OLFML1: variants seen among roughly 807,000 people sequenced by gnomAD.
OLFML1 encodes the protein olfactomedin like 1, also known as olfactomedin-like protein 1.
Under a neutral mutation model 37.3 loss-of-function variants are expected in OLFML1, and 33 were observed. The ratio of observed to expected loss-of-function variants is 0.88; its 90% CI spans 0.67 to 1.18. The LOEUF is 1.18. Among genes scored for constraint, OLFML1 ranks in the 50% most tolerant of loss-of-function variants. OLFML1 has a pLI of 0.00. For synonymous variants in OLFML1, 186 were observed against 181.3 expected (o/e 1.03, Z -0.21); for missense variants, 545 against 483.7 (o/e 1.13, Z -1.19).
At chr11:7,487,882 G>A (rs1402892896) in intron 1 of OLFML1, among the ~76,000 whole-genome samples, 2 of 151,912 alleles carry the variant, frequency 1.3e-5, no homozygotes, top group Non-Finnish European at 1.5e-5. Context: ...AAAACATATA[G>A]TAAAATCACA....
chr11:7,501,234 G>C (rs1483905184), intron 2 of OLFML1, among the ~76,000 whole-genome samples: 1 of 152,214 alleles, frequency 6.6e-6, no homozygotes, highest in Non-Finnish European at 1.5e-5. Flanking sequence ...CTGGCAAACA[G>C]GGCAGATCAT....
chr11:7,509,593 G>A lies in OLFML1; in HGVS notation c.614G>A (p.Arg205Gln), dbSNP rs146709029. The part of the protein sequence containing the change: ...FMEDNTKPAP[R>Q]KQILTLSWQG... Reference sequence around the variant, plus strand: ...GAGGATAACACCAAGCCAGCTCCCCGGAAGCAAATCCTAACACTTTCCTGG... The same window carrying A: ...GAGGATAACACCAAGCCAGCTCCCCAGAAGCAAATCCTAACACTTTCCTGG... The change falls in exon 3 of 3, where the codon CGG becomes CAG. Residue 205 changes from arginine to glutamine, a missense_variant. Transcript: ENST00000329293. 1.2e-5 allele frequency: 20 copies of A among 1,614,048 alleles called. No homozygotes were observed. The highest frequency in any genetic ancestry group is 3.3e-5 in the Admixed American group (2 of 60,002).
chr11:7,487,377 C>G (rs1848536346), intron 1 of OLFML1, among the ~76,000 whole-genome samples: 1 of 152,204 alleles, frequency 6.6e-6, no homozygotes, highest in African/African-American at 2.4e-5. Context: ...TTCTGTCTTT[C>G]TCCCTTCAAA....
intron 2 of OLFML1, among the ~76,000 whole-genome samples, chr11:7,499,287 C>T (rs1007683144): frequency 6.6e-6 from 1 of 152,182 alleles, no homozygotes; most frequent in Admixed American, 6.5e-5. Context: ...GCCAGGGAAA[C>T]CTTGCATGTC....
rs1848510757 is a variant in OLFML1, at chr11:7,485,598, G to A, written c.-278G>A. ...GAGGGTCCGCATGTGTCAAGGGTGAGGGCAACAGATGCTGGACCCAGGGAG... is the reference window on the plus strand; with the variant it reads ...GAGGGTCCGCATGTGTCAAGGGTGAAGGCAACAGATGCTGGACCCAGGGAG... On this transcript the variant is annotated 5_prime_UTR_variant, in exon 1 of 3. Transcript: ENST00000329293. 13 of 388,452 alleles carry A rather than the reference G, an allele frequency of 3.3e-5. No homozygotes were observed. In the South Asian group the frequency reaches 5.5e-4, roughly 16 times the overall value. The allele number at this position is 388,452 out of a possible 1,614,324, so 24.1% of individuals were successfully genotyped here. A position where few individuals can be genotyped will look rare whatever the true frequency, so the allele number is the denominator to read the frequency against.
intron 2 of OLFML1, among the ~76,000 whole-genome samples, chr11:7,507,363 C>T (rs1251609643): frequency 6.6e-6 from 1 of 152,144 alleles, no homozygotes; most frequent in Non-Finnish European, 1.5e-5. Context: ...CCTTGTAGAA[C>T]AGTCTTGACA....
In OLFML1 at chr11:7,488,416, G is replaced by C. The variant is rs1445144759; in HGVS notation, c.418+1G>C. The C allele has an allele frequency of 6.2e-7, 1 of 1,608,166 alleles. No individual in the cohort carries two copies. The highest frequency in any genetic ancestry group is 1.1e-5 in the South Asian group (1 of 90,140). The stretch of plus-strand genomic sequence containing the variant: ...AAGATCCGGACTCTGCTGAATGCAA[G>C]TAAGAAAACTGCATCTTTTCCTAGC... On this transcript the variant is annotated splice_donor_variant, in intron 2 of 2. Transcript: ENST00000329293. LOFTEE classifies it high-confidence loss of function.
chr11:7,501,677 G>T (rs75868536), intron 2 of OLFML1, among the ~76,000 whole-genome samples: 1 of 152,072 alleles, frequency 6.6e-6, no homozygotes, highest in Non-Finnish European at 1.5e-5. Flanking sequence ...GAAAACCTTG[G>T]GTCAGATTTT....
In OLFML1 at chr11:7,485,881, G is replaced by T; in HGVS notation, c.6G>T (p.Met2Ile). M[M>I]VALRGASALL... Reference sequence around the variant, plus strand: ...CCTGCTTGGTGTTTTGCAGGATGATGGTGGCCCTTCGAGGAGCTTCTGCAT... The same window carrying T: ...CCTGCTTGGTGTTTTGCAGGATGATTGTGGCCCTTCGAGGAGCTTCTGCAT... Residue 2 changes from methionine (M) to isoleucine (I), a missense_variant, in exon 1 of 3, where the codon ATG becomes ATT. Transcript: ENST00000329293. 6.2e-7 allele frequency: 1 copy of T among 1,613,234 alleles called. No homozygotes were observed. The highest frequency in any genetic ancestry group is 8.5e-7 in the Non-Finnish European group (1 of 1,179,854).
intron 2 of OLFML1, among the ~76,000 whole-genome samples, chr11:7,501,642 C>A (rs963386649): frequency 2.4e-4 from 37 of 152,322 alleles, no homozygotes; most frequent in South Asian, 4.1e-4. Context: ...CTCCCACCCC[C>A]ACTTCTGCCA....
chr11:7,485,768 A>G lies in OLFML1; in HGVS notation c.-108A>G. On this transcript the variant is annotated 5_prime_UTR_variant, in exon 1 of 3. Transcript: ENST00000329293. ...CTGCTGTGCAAAACGCTGTTTTTAG[A>G]GGATTTGCCACAGCAGCGGATAGAG... 1 of 1,173,244 alleles carries G rather than the reference A, an allele frequency of 8.5e-7. No homozygotes were observed. The highest frequency in any genetic ancestry group is 1.5e-5 in the South Asian group (1 of 67,710). 72.7% of individuals were successfully genotyped at this position (1,173,244 alleles called of 1,614,324 possible).
intron 1 of OLFML1, among the ~76,000 whole-genome samples, chr11:7,487,102 AC>A (rs1848532742): frequency 6.6e-6 from 1 of 152,182 alleles, no homozygotes; most frequent in Non-Finnish European, 1.5e-5. Context: ...GTCTTTCACT[AC>A]CTTAAGAACT....
chr11:7,506,280 T>A (rs539012237), intron 2 of OLFML1, among the ~76,000 whole-genome samples: 1 of 152,166 alleles, frequency 6.6e-6, no homozygotes, highest in African/African-American at 2.4e-5. Flanking sequence ...ATCAAGGAAG[T>A]CTAGAAGAAG....
Position 7,488,126 on chromosome 11 carries a change from G to A in OLFML1, c.130-1G>A, listed in dbSNP as rs1564918728. The A allele has an allele frequency of 6.3e-7, 1 of 1,597,364 alleles. No homozygotes were observed. Among genetic ancestry groups the A allele is most frequent in the Non-Finnish European group, 8.6e-7 (1 of 1,168,826 alleles). ...TTTGCAAATTTATTTTCTGACTGAA[G>A]CAAGGGCTGGAAAAATGTACCCAAG... On this transcript the variant is annotated splice_acceptor_variant, in intron 1 of 2. Transcript: ENST00000329293. LOFTEE classifies it high-confidence loss of function.
chr11:7,486,602 C>T (rs1235024531), intron 1 of OLFML1, among the ~76,000 whole-genome samples: 2 of 152,138 alleles, frequency 1.3e-5, no homozygotes, highest in East Asian at 3.9e-4. Context: ...ATTTGGGCTG[C>T]CACCTCATTA....
Position 7,506,899 on chromosome 11 carries a change from G to A in OLFML1, c.419-2499G>A, listed in dbSNP as rs369538785. On this transcript the variant is annotated intron_variant, in intron 2 of 2. Transcript: ENST00000329293. ...ATGAGCAAAGGAGTGAGCAATGGAA[G>A]AATAACTGTGGTGAGTGGGATATTG... 2.0e-5 allele frequency among the ~76,000 whole-genome samples: 3 copies of A among 152,176 alleles called. No homozygotes were observed. The South Asian group carries it at 6.2e-4, about 32-fold the overall frequency.
Position 7,485,966 on chromosome 11 carries a change from A to G in OLFML1, c.91A>G (p.Met31Val), listed in dbSNP as rs1848516269. Residue 31 changes from methionine to valine, a missense_variant, in exon 1 of 3, where the codon ATG becomes GTG. Transcript: ENST00000329293. ...PPPQCTQDPA[M>V]VHYIYQRFRV... ...GCCGCAGTGTACCCAGGACCCAGCCATGGTGCATTACATCTACCAGCGCTT... is the reference window on the plus strand; with the variant it reads ...GCCGCAGTGTACCCAGGACCCAGCCGTGGTGCATTACATCTACCAGCGCTT... 1.9e-6 allele frequency: 3 copies of G among 1,614,102 alleles called. No homozygotes were observed. The highest frequency in any genetic ancestry group is 1.7e-4 in the Middle Eastern group (1 of 6,056).
At chr11:7,490,967 T>C (rs1406847695) in intron 2 of OLFML1, among the ~76,000 whole-genome samples, 3 of 152,124 alleles carry the variant, frequency 2.0e-5, no homozygotes, top group African/African-American at 7.2e-5. Flanking sequence ...AAAAAATCCA[T>C]TCAAATCTCC....
chr11:7,509,669 A>T lies in OLFML1; in HGVS notation c.690A>T (p.Gln230His). Residue 230 changes from glutamine (Q) to histidine (H), a missense_variant, in exon 3 of 3, where the codon CAA (glutamine) becomes CAT (histidine). Coordinates refer to ENST00000329293, the MANE Select transcript of OLFML1 (RefSeq NM_198474.4). ...IYKGFLFFHN[Q>H]ATSNEIIKYN... ...AAGGTTTTCTATTTTTTCATAACCAAGCAACTTCTAATGAGATAATCAAAT... is the reference window on the plus strand; with the variant it reads ...AAGGTTTTCTATTTTTTCATAACCATGCAACTTCTAATGAGATAATCAAAT... 1 of 1,614,240 alleles carries T rather than the reference A, an allele frequency of 6.2e-7. No individual in the cohort carries two copies. The highest frequency in any genetic ancestry group is 1.7e-5 in the Admixed American group (1 of 60,038).
Sources: allele counts gnomAD v4.1 joint callset (sites outside exome capture counted in the v4.1 genomes callset), GRCh38; gene constraint gnomAD v4.1.1; transcripts MANE v1.5; gene names NCBI Gene and HGNC (gene_info 2026-07-23, HGNC 2026-07-21).